GRID2: variants seen among roughly 807,000 people sequenced by gnomAD.
GRID2 encodes the protein glutamate receptor ionotropic, delta-2.
In GRID2, 33 loss-of-function variants were observed where a neutral mutation model predicts 114.8. That is an observed-to-expected ratio of 0.29 (90% CI 0.22 to 0.38). The LOEUF is 0.38. Among genes scored for constraint, GRID2 ranks in the 10% least tolerant of loss-of-function variants. The pLI, the probability that GRID2 is intolerant of heterozygous loss-of-function variation, is 1.00. For missense variants in GRID2, 1,184 were observed against 1,257.7 expected, an observed-to-expected ratio of 0.94 and a Z score of 0.89; for synonymous variants, 505 against 449.9, an observed-to-expected ratio of 1.12 and a Z score of -1.55.
At chr4:92,672,937 A>T (rs1196171574) in intron 2 of GRID2, among the ~76,000 whole-genome samples, 1 of 152,134 alleles carries the variant, frequency 6.6e-6, no homozygotes, top group Non-Finnish European at 1.5e-5. Flanking sequence ...CTAAGTGTGT[A>T]TTTAAGCCCA....
At chr4:92,747,079 A>T (rs1416937075) in intron 2 of GRID2, among the ~76,000 whole-genome samples, 1 of 152,098 alleles carries the variant, frequency 6.6e-6, no homozygotes, top group African/African-American at 2.4e-5. Context: ...ATAAATATTA[A>T]TTTAGTTTAT....
chr4:93,533,312 T>C (rs1731688025), intron 13 of GRID2, among the ~76,000 whole-genome samples: 1 of 139,762 alleles, frequency 7.2e-6, no homozygotes, highest in Admixed American at 7.2e-5. Flanking sequence ...CTTCCTTCCT[T>C]CCTTCTTTCC....
intron 13 of GRID2, among the ~76,000 whole-genome samples, chr4:93,533,705 T>A (rs968408591): frequency 1.3e-5 from 2 of 151,880 alleles, no homozygotes; most frequent in African/African-American, 2.4e-5. Context: ...AGGTTTTTTA[T>A]TTAAAAACAT....
chr4:93,312,478 G>A (rs1756122097), intron 8 of GRID2, among the ~76,000 whole-genome samples: 1 of 152,084 alleles, frequency 6.6e-6, no homozygotes, highest in African/African-American at 2.4e-5. Context: ...TGAACTAGCA[G>A]GTACAAGCCT....
intron 2 of GRID2, among the ~76,000 whole-genome samples, chr4:92,778,260 C>T (rs979088710): frequency 2.0e-5 from 3 of 152,004 alleles, no homozygotes; most frequent in Non-Finnish European, 4.4e-5. Context: ...GACAATTGCT[C>T]TTTATGTAAT....
intron 1 of GRID2, among the ~76,000 whole-genome samples, chr4:92,369,510 C>T (rs994170783): frequency 6.6e-6 from 1 of 152,256 alleles, no homozygotes; most frequent in African/African-American, 2.4e-5. Flanking sequence ...GATTTAGTTA[C>T]TTTAAATGCT....
intron 2 of GRID2, among the ~76,000 whole-genome samples, chr4:92,759,826 C>T (rs1560576306): frequency 6.6e-6 from 1 of 150,556 alleles, no homozygotes; most frequent in Non-Finnish European, 1.5e-5. Flanking sequence ...GGGGTTTCAC[C>T]ATGTTAGTCA....
intron 2 of GRID2, among the ~76,000 whole-genome samples, chr4:92,718,083 T>C (rs1414471245): frequency 6.6e-6 from 1 of 152,134 alleles, no homozygotes; most frequent in African/African-American, 2.4e-5. Context: ...ACAGTATGCA[T>C]GGCAGTATAA....
At chr4:93,715,289 T>C (rs1578642933) in intron 14 of GRID2, among the ~76,000 whole-genome samples, 1 of 152,312 alleles carries the variant, frequency 6.6e-6, no homozygotes, top group African/African-American at 2.4e-5. Context: ...CATCGGTCTA[T>C]GTGTCTTTTC....
intron 2 of GRID2, among the ~76,000 whole-genome samples, chr4:92,900,292 T>G (rs1019228933): frequency 6.6e-6 from 1 of 151,972 alleles, no homozygotes; most frequent in African/African-American, 2.4e-5. Flanking sequence ...ATTTAGGGGG[T>G]ACGAGTGCAG....
intron 13 of GRID2, among the ~76,000 whole-genome samples, chr4:93,563,677 G>A (rs1036590188): frequency 2.0e-5 from 3 of 151,904 alleles, no homozygotes; most frequent in African/African-American, 7.2e-5. Flanking sequence ...AGCAAAGTCA[G>A]ATCTAAAAGG....
At chr4:92,945,128 G>A (rs1751527373) in intron 2 of GRID2, among the ~76,000 whole-genome samples, 1 of 152,072 alleles carries the variant, frequency 6.6e-6, no homozygotes, top group Admixed American at 6.6e-5. Context: ...GACTTATTGT[G>A]TAATGCTATT....
intron 1 of GRID2, among the ~76,000 whole-genome samples, chr4:93,781,936 T>C (rs992467346): frequency 6.6e-6 from 1 of 152,174 alleles, no homozygotes; most frequent in Non-Finnish European, 1.5e-5. Context: ...GAACAAAATC[T>C]CAAGTCAAAT....
At chr4:93,055,231 G>A (rs1430340675) in intron 2 of GRID2, among the ~76,000 whole-genome samples, 1 of 151,538 alleles carries the variant, frequency 6.6e-6, no homozygotes, top group African/African-American at 2.4e-5. Flanking sequence ...CAGAAGAGTA[G>A]GCTGGAATCA....
At chr4:93,355,173 A>G (rs1761211725) in intron 8 of GRID2, among the ~76,000 whole-genome samples, 1 of 151,732 alleles carries the variant, frequency 6.6e-6, no homozygotes, top group African/African-American at 2.4e-5. Flanking sequence ...TCCATTACTT[A>G]CTACTGTGGA....
At chr4:92,535,603 T>C (rs1579535253) in intron 1 of GRID2, among the ~76,000 whole-genome samples, 1 of 152,250 alleles carries the variant, frequency 6.6e-6, no homozygotes, top group East Asian at 1.9e-4. Flanking sequence ...CACATGCAAT[T>C]ACCAAGAGAC....
chr4:93,431,298 G>A (rs1401472397), intron 10 of GRID2, among the ~76,000 whole-genome samples: 1 of 152,056 alleles, frequency 6.6e-6, no homozygotes, highest in Non-Finnish European at 1.5e-5. Flanking sequence ...ACCTGTGGGT[G>A]GTAGTTGAAA....
At chr4:92,543,553 T>A (rs1726086889) in intron 1 of GRID2, among the ~76,000 whole-genome samples, 1 of 152,196 alleles carries the variant, frequency 6.6e-6, no homozygotes, top group Admixed American at 6.5e-5. Context: ...TACTTTAGTT[T>A]TGCAAGAAGC....
chr4:92,411,412 A>G (rs1232895444), intron 1 of GRID2, among the ~76,000 whole-genome samples: 1 of 152,008 alleles, frequency 6.6e-6, no homozygotes, highest in Admixed American at 6.6e-5. Flanking sequence ...ATAGAGATCA[A>G]TCTCCAGCAA....
Sources: allele counts gnomAD v4.1 joint callset (sites outside exome capture counted in the v4.1 genomes callset), GRCh38; gene constraint gnomAD v4.1.1; transcripts MANE v1.5; gene names NCBI Gene and HGNC (gene_info 2026-07-23, HGNC 2026-07-21).